The following AKTIP variants were observed in gnomAD, a reference collection of about 807,000 sequenced individuals.
AKTIP encodes AKT-interacting protein.
Under a neutral mutation model 39.1 loss-of-function variants are expected in AKTIP, and 16 were observed. The observed-to-expected ratio is 0.41, with a 90% confidence interval of 0.28 to 0.62. AKTIP has a LOEUF of 0.62. AKTIP is among the 20% of genes least tolerant of loss of function. The pLI, the probability that AKTIP is intolerant of heterozygous loss-of-function variation, is 0.32. For missense variants in AKTIP, 262 were observed against 356.6 expected, an observed-to-expected ratio of 0.73 and a Z score of 2.14; for synonymous variants, 93 against 124.3, an observed-to-expected ratio of 0.75 and a Z score of 1.67.
At chr16:53,503,268 T>TACCCCGCCCC (rs1491305968), upstream of AKTIP, 2 of 39,986 alleles carry the variant, frequency 5.0e-5, no homozygotes, top group Admixed American at 2.0e-4. Flanking sequence ...CGCCCTGCCC[T>TACCCCGCCCC]GCCCTGCCCT....
upstream of AKTIP, chr16:53,503,272 C>A (rs1465000624): frequency 5.3e-5 from 8 of 150,158 alleles, no homozygotes; most frequent in African/African-American, 2.0e-4. Context: ...CTGCCCTGCC[C>A]TGCCCTGCCC....
intron 8 of AKTIP, chr16:53,493,908 A>T (rs1044002444): frequency 1.4e-5 from 7 of 509,100 alleles, no homozygotes; most frequent in African/African-American, 1.1e-4. Context: ...TGGGAAACCA[A>T]AGTCACCAGA....
intron 3 of AKTIP, among the ~76,000 whole-genome samples, chr16:53,496,722 T>TACTCCAGAGGCTGAAGCAGGAG (rs1343100045): frequency 1.3e-5 from 2 of 152,004 alleles, no homozygotes; most frequent in African/African-American, 2.4e-5. Context: ...TAGTCCCAGC[T>TACTCCAGAGGCTGAAGCAGGAG]ACTCCAGAGG....
At position 53,494,581 on chromosome 16, in the gene AKTIP, A is replaced by G; in HGVS notation, c.439T>C (p.Phe147Leu). 2 of 1,614,160 alleles carry G rather than the reference A, an allele frequency of 1.2e-6. No homozygotes were observed. Among genetic ancestry groups the G allele is most frequent in the South Asian group, 1.1e-5 (1 of 91,080 alleles). The change falls in exon 6 of 10, where the codon TTT becomes CTT. Residue 147 changes from phenylalanine (F) to leucine (L), a missense_variant. This residue lies in a region of AKTIP where 25 missense variants were observed against 38.4 expected (regional missense o/e 0.65). Transcript: ENST00000394657. ...GAGGTGGGATCAACTAGCGGGTGAA[A>G]GACAGGAATATCGAACACCAAGCGC... ...CPRLVFDIPV[F>L]HPLVDPTSGE...
chr16:53,501,516 G>C (rs1409731001), intron 1 of AKTIP: 2 of 152,212 alleles, frequency 1.3e-5, no homozygotes, highest in Non-Finnish European at 2.9e-5. Flanking sequence ...CCCAGGCTCT[G>C]TTACCTTTAA....
rs1351309006 is a variant in AKTIP at position 53,494,124 on chromosome 16, G to C, written c.710+14C>G. ...AGGACAGTGGACAGTTCACTTGGGG[G>C]ATGCACCACTTACCTAATTGCATAG... On this transcript the variant is annotated intron_variant, in intron 8 of 9. Transcript: ENST00000394657. 6.3e-7 allele frequency: 1 copy of C among 1,581,688 alleles called. No individual in the cohort carries two copies. The highest frequency in any genetic ancestry group is 1.7e-5 in the Admixed American group (1 of 59,924).
intron 8 of AKTIP, chr16:53,492,979 AT>A: frequency 2.0e-6 from 1 of 502,342 alleles, no homozygotes; most frequent in Non-Finnish European, 3.6e-6. Flanking sequence ...AAGTACTGTT[AT>A]TTAAAGATTA....
intron 3 of AKTIP, among the ~76,000 whole-genome samples, chr16:53,498,025 G>A (rs1436523759): frequency 6.6e-6 from 1 of 152,260 alleles, no homozygotes; most frequent in Non-Finnish European, 1.5e-5. Context: ...TAGGATTATA[G>A]GCGTGAGCCG....
chr16:53,500,557 T>C (rs1302205868), intron 1 of AKTIP, among the ~76,000 whole-genome samples: 3 of 152,078 alleles, frequency 2.0e-5, no homozygotes, highest in Non-Finnish European at 4.4e-5. Context: ...TTTGTATCTT[T>C]AGTAGAGACA....
chr16:53,502,312 TAG>T (rs1419113261), intron 1 of AKTIP, among the ~76,000 whole-genome samples: 2 of 152,212 alleles, frequency 1.3e-5, no homozygotes, highest in South Asian at 2.1e-4. Flanking sequence ...AGGAATGACA[TAG>T]ATGGAAGCAA....
At chr16:53,493,875 A>T (rs1056515824) in intron 8 of AKTIP, 14 of 459,878 alleles carry the variant, frequency 3.0e-5, no homozygotes, top group Non-Finnish European at 3.9e-6. Flanking sequence ...CATGGGAATG[A>T]ATAAATATAT....
rs1299815359 is a variant in AKTIP at position 53,492,533 on chromosome 16, T to C, written c.772-14A>G. ...TTCTTCAGGCTTCTTCTAGGCACAATCAAAACAGATATTTAAAAAATTACT... is the reference window on the plus strand; with the variant it reads ...TTCTTCAGGCTTCTTCTAGGCACAACCAAAACAGATATTTAAAAAATTACT... On this transcript the variant is annotated splice_polypyrimidine_tract_variant and intron_variant, in intron 9 of 9. Coordinates refer to ENST00000394657, the MANE Select transcript of AKTIP (RefSeq NM_022476.4). 6.2e-7 allele frequency: 1 copy of C among 1,613,636 alleles called. No homozygotes were observed. Among genetic ancestry groups the C allele is most frequent in the Non-Finnish European group, 8.5e-7 (1 of 1,179,586 alleles).
chr16:53,498,523 T>C lies in AKTIP; in HGVS notation c.116A>G (p.Gln39Arg), dbSNP rs1961976819. The change falls in exon 3 of 10, where the codon CAG becomes CGG. Residue 39 changes from glutamine to arginine, a missense_variant. Coordinates refer to ENST00000394657, the MANE Select transcript of AKTIP (RefSeq NM_022476.4). ...TSPPRTAPKKQLPSIPKNALP... is the reference protein window; with the variant it reads ...TSPPRTAPKKRLPSIPKNALP... ...AGCATTTTTGGGAATAGAAGGCAGC[T>C]GTTTCTTTGGTGCAGTTCGTGGAGG... 1.2e-6 allele frequency: 2 copies of C among 1,614,084 alleles called. No individual in the cohort carries two copies. The highest frequency in any genetic ancestry group is 1.3e-5 in the African/African-American group (1 of 75,066).
At chr16:53,502,329 T>C (rs750370509) in intron 1 of AKTIP, among the ~76,000 whole-genome samples, 1 of 152,210 alleles carries the variant, frequency 6.6e-6, no homozygotes, top group Non-Finnish European at 1.5e-5. Context: ...AAGCAAGACA[T>C]GTTACATCCT....
At chr16:53,500,136 A>AT in intron 2 of AKTIP, 82 bp downstream of exon 2, 1 of 1,076,236 alleles carries the variant, frequency 9.3e-7, no homozygotes, top group Non-Finnish European at 1.4e-6. Flanking sequence ...ACCGTGACAG[A>AT]TTATTTTAGC....
At chr16:53,502,543 C>T (rs1489404983) in intron 1 of AKTIP, among the ~76,000 whole-genome samples, 1 of 152,180 alleles carries the variant, frequency 6.6e-6, no homozygotes, top group African/African-American at 2.4e-5. Flanking sequence ...TAAGAAATTA[C>T]ACGTTAAGAG....
chr16:53,491,424 T>C lies in AKTIP; in HGVS notation c.*988A>G, dbSNP rs1227757733. ...TTATTAATCACTATTGTTCCAGCAG[T>C]TTTCAAGTCAAATTAATAATCTTAT... is the stretch of plus-strand genomic sequence containing the variant. On this transcript the variant is annotated 3_prime_UTR_variant, in exon 10 of 10. Transcript: ENST00000394657. 2 of 152,356 alleles carry C rather than the reference T, an allele frequency of 1.3e-5. No individual in the cohort carries two copies. Among genetic ancestry groups the C allele is most frequent in the Non-Finnish European group, 2.9e-5 (2 of 68,020 alleles). The allele number at this position is 152,356 out of a possible 1,614,324, so 9.4% of individuals were successfully genotyped here. A position where few individuals can be genotyped will look rare whatever the true frequency, so the allele number is the denominator to read the frequency against.
intron 7 of AKTIP, 29 bp downstream of exon 7, chr16:53,494,310 T>A: frequency 6.2e-7 from 1 of 1,612,730 alleles, no homozygotes; most frequent in African/African-American, 1.3e-5. Flanking sequence ...TTCAAATTTA[T>A]TTTAAATAAC....
intron 9 of AKTIP, 64 bp from the exon 10 acceptor site, chr16:53,492,583 A>C: frequency 6.2e-7 from 1 of 1,603,018 alleles, no homozygotes; most frequent in Non-Finnish European, 8.5e-7. Flanking sequence ...AGCACTGTAC[A>C]AACTTGTTTC....
Sources: allele counts gnomAD v4.1 joint callset (sites outside exome capture counted in the v4.1 genomes callset), GRCh38; gene constraint gnomAD v4.1.1; regional missense constraint gnomAD v4.1.1; transcripts MANE v1.5; gene names NCBI Gene and HGNC (gene_info 2026-07-23, HGNC 2026-07-21).